The following PTPN5 variants were observed in gnomAD, a reference collection of about 807,000 sequenced individuals.
PTPN5 encodes protein tyrosine phosphatase non-receptor type 5, also known as tyrosine-protein phosphatase non-receptor type 5.
A neutral mutation model predicts 73.9 loss-of-function variants in PTPN5; 29 were observed. The ratio of observed to expected loss-of-function variants is 0.39; its 90% CI spans 0.29 to 0.54. PTPN5 has a LOEUF of 0.54. Ranked by LOEUF, PTPN5 falls within the 20% of genes least tolerant of loss-of-function variation. The pLI is 0.65. For synonymous variants in PTPN5, 267 were observed against 304.7 expected (o/e 0.88, Z 1.29); for missense variants, 652 against 751.4 (o/e 0.87, Z 1.55).
chr11:18,744,669 T>C (rs1425633801), intron 3 of PTPN5, among the ~76,000 whole-genome samples: 1 of 152,096 alleles, frequency 6.6e-6, no homozygotes, highest in Non-Finnish European at 1.5e-5. Flanking sequence ...GGCTAGACTC[T>C]TGACAAGACC....
intron 1 of PTPN5, among the ~76,000 whole-genome samples, chr11:18,776,211 G>A (rs1249005239): frequency 1.3e-5 from 2 of 152,148 alleles, no homozygotes; most frequent in East Asian, 1.9e-4. Flanking sequence ...TCTTGTGGGC[G>A]TCTTCTGGTA....
chr11:18,771,967 T>C lies in PTPN5; in HGVS notation c.-9A>G, dbSNP rs1207210168. ...GCTCCCTCATAATTCATTCCCAAGGTGTCTGGATGGGGAAGGGTGCCATCT... is the reference window on the plus strand; with the variant it reads ...GCTCCCTCATAATTCATTCCCAAGGCGTCTGGATGGGGAAGGGTGCCATCT... On this transcript the variant is annotated 5_prime_UTR_variant, in exon 2 of 15. Coordinates refer to ENST00000358540, the MANE Select transcript of PTPN5 (RefSeq NM_006906.2). The C allele has an allele frequency of 4.5e-6, 7 of 1,571,464 alleles. No homozygotes were observed. In the African/African-American group the frequency reaches 5.6e-5, roughly 12 times the overall value.
intron 3 of PTPN5, among the ~76,000 whole-genome samples, chr11:18,755,104 A>G (rs1184309988): frequency 6.6e-6 from 1 of 152,066 alleles, no homozygotes; most frequent in African/African-American, 2.4e-5. Context: ...TGGATCACTC[A>G]CTCTGTGGGG....
At chr11:18,732,177 C>T (rs1848906467) in intron 12 of PTPN5, among the ~76,000 whole-genome samples, 1 of 152,172 alleles carries the variant, frequency 6.6e-6, no homozygotes, top group Non-Finnish European at 1.5e-5. Flanking sequence ...CACTACAGGC[C>T]AGAAGCCCAG....
At chr11:18,741,886 A>T (rs1402813749) in intron 7 of PTPN5, among the ~76,000 whole-genome samples, 2 of 152,184 alleles carry the variant, frequency 1.3e-5, no homozygotes, top group Non-Finnish European at 2.9e-5. Flanking sequence ...AAAACAAAAA[A>T]ATAGAGTTCC....
intron 1 of PTPN5, among the ~76,000 whole-genome samples, chr11:18,780,402 A>G (rs908643520): frequency 8.5e-5 from 13 of 152,168 alleles, no homozygotes; most frequent in African/African-American, 3.1e-4. Context: ...TTAGTCTCTC[A>G]GCTCCTAGAG....
intron 9 of PTPN5, among the ~76,000 whole-genome samples, chr11:18,734,287 C>A (rs914373998): frequency 6.6e-6 from 1 of 152,152 alleles, no homozygotes; most frequent in East Asian, 1.9e-4. Context: ...CTCATGTCCA[C>A]ATATGCAAAA....
Position 18,748,608 on chromosome 11 carries a change from C to T in PTPN5, c.98-4409G>A, listed in dbSNP as rs552704817. ...TCTGCACATAATTTTTGGGGAGATG[C>T]ATGGACCTCAGGTTAAGAACCCCTG... On this transcript the variant is annotated intron_variant, in intron 3 of 14. Coordinates refer to ENST00000358540, the MANE Select transcript of PTPN5 (RefSeq NM_006906.2). Among the ~76,000 whole-genome samples the T allele has an allele frequency of 5.5e-4, 84 of 151,920 alleles. 1 individual carries two copies. In the South Asian group the frequency reaches 8.8e-3, roughly 16 times the overall value.
intron 7 of PTPN5, 81 bp from the exon 8 acceptor site, chr11:18,740,873 G>A (rs1849335528): frequency 6.9e-6 from 6 of 870,098 alleles, no homozygotes; most frequent in East Asian, 3.0e-5. Context: ...CTGGGAAAAT[G>A]AGGGAGGGAG....
chr11:18,771,132 T>C (rs1850876542), intron 2 of PTPN5, among the ~76,000 whole-genome samples: 1 of 152,126 alleles, frequency 6.6e-6, no homozygotes, highest in South Asian at 2.1e-4. Flanking sequence ...GGTGTGAGGC[T>C]GAGCCAAGCC....
At chr11:18,775,888 G>T (rs1382393726) in intron 1 of PTPN5, among the ~76,000 whole-genome samples, 2 of 152,302 alleles carry the variant, frequency 1.3e-5, no homozygotes, top group East Asian at 3.9e-4. Context: ...CAGCATCAGG[G>T]AAACAGGCCT....
Position 18,730,605 on chromosome 11 carries a change from G to T in PTPN5, c.1330-787C>A. The T allele has an allele frequency of 2.0e-5, 3 of 152,688 alleles. No homozygotes were observed. The South Asian group carries it at 6.0e-4, about 30-fold the overall frequency. The allele number at this position is 152,688 out of a possible 1,614,324, so 9.5% of individuals were successfully genotyped here. ...CACTCCTTCTGCCACGTGAGGACATGACCCTGGAAGTGGGTCCTCACCAGG... is the reference window on the plus strand; with the variant it reads ...CACTCCTTCTGCCACGTGAGGACATTACCCTGGAAGTGGGTCCTCACCAGG... On this transcript the variant is annotated intron_variant, in intron 12 of 14. Transcript: ENST00000358540.
rs760242667 is a variant in PTPN5, at chr11:18,742,555, G to A, written c.484-52C>T. 2.1e-5 allele frequency: 33 copies of A among 1,598,036 alleles called. No individual in the cohort carries two copies. The highest frequency in any genetic ancestry group is 2.1e-4 in the Middle Eastern group (1 of 4,810). Reference sequence around the variant, plus strand: ...TTTCGGACCACGCTGGCTGCCCCCCGTGTTCCTGGAGTGCCCATGGGATTG... The same window carrying A: ...TTTCGGACCACGCTGGCTGCCCCCCATGTTCCTGGAGTGCCCATGGGATTG... On this transcript the variant is annotated intron_variant, in intron 6 of 14. Transcript: ENST00000358540. This position sits in a 1 kb window ranked among gnomAD's most constrained non-coding sequence, Gnocchi z 4.1.
intron 3 of PTPN5, among the ~76,000 whole-genome samples, chr11:18,751,174 T>G (rs773982438): frequency 2.6e-5 from 4 of 152,178 alleles, no homozygotes; most frequent in Non-Finnish European, 5.9e-5. Context: ...CTGTTCTCAC[T>G]GGGAGAGGCT....
At chr11:18,784,192 CG>C (rs1851567694) in intron 1 of PTPN5, among the ~76,000 whole-genome samples, 1 of 152,106 alleles carries the variant, frequency 6.6e-6, no homozygotes, top group African/African-American at 2.4e-5. Context: ...GAATTGAAAG[CG>C]GGGGCTCAAA....
intron 3 of PTPN5, among the ~76,000 whole-genome samples, chr11:18,760,902 AT>A (rs1850356429): frequency 6.6e-6 from 1 of 152,230 alleles, no homozygotes; most frequent in Non-Finnish European, 1.5e-5. Flanking sequence ...GGACTTCAGG[AT>A]TTCCTGCCCA....
In PTPN5 at chr11:18,783,075, G is replaced by A. The variant is rs530198387; in HGVS notation, c.-114+8450C>T. ...ATTTTCACTGCCACTCCTAGGCCTCGTATTTGCCTAACTCTTAGCCCACTG... is the reference window on the plus strand; with the variant it reads ...ATTTTCACTGCCACTCCTAGGCCTCATATTTGCCTAACTCTTAGCCCACTG... On this transcript the variant is annotated intron_variant, in intron 1 of 14. Coordinates refer to ENST00000358540, the MANE Select transcript of PTPN5 (RefSeq NM_006906.2). Among the ~76,000 whole-genome samples, 5 of 152,334 alleles carry A rather than the reference G, an allele frequency of 3.3e-5. No individual in the cohort carries two copies. The South Asian group carries it at 6.2e-4, about 19-fold the overall frequency.
intron 8 of PTPN5, among the ~76,000 whole-genome samples, chr11:18,738,376 G>A (rs975734731): frequency 5.3e-5 from 8 of 152,148 alleles, no homozygotes; most frequent in African/African-American, 1.9e-4. Flanking sequence ...CTCATCTCAT[G>A]TCCCGCCTCC....
intron 1 of PTPN5, among the ~76,000 whole-genome samples, chr11:18,773,581 T>TG (rs527873708): frequency 9.3e-4 from 141 of 152,236 alleles, no homozygotes; most frequent in African/African-American, 3.3e-3. Context: ...ATCCCTGGCA[T>TG]GGGGGTCACA....
Sources: allele counts gnomAD v4.1 joint callset (sites outside exome capture counted in the v4.1 genomes callset), GRCh38; gene constraint gnomAD v4.1.1; non-coding constraint Gnocchi (gnomAD v3.1); transcripts MANE v1.5; gene names NCBI Gene and HGNC (gene_info 2026-07-23, HGNC 2026-07-21).